Variants in UNC45A observed in about 807,000 individuals in gnomAD.
The protein encoded by UNC45A is unc-45 myosin chaperone A, also known as protein unc-45 homolog A.
UNC45A carries 78 observed loss-of-function variants against 103.2 expected under a neutral mutation model. That is an observed-to-expected ratio of 0.76 (90% CI 0.63 to 0.91). The LOEUF is 0.91. Among genes scored for constraint, UNC45A ranks in the 40% least tolerant of loss-of-function variants. The probability of loss-of-function intolerance (pLI) is 0.00; values close to 1 mark genes in which losing one functional copy is unlikely to be tolerated. For synonymous variants in UNC45A, 495 were observed against 504.6 expected, an observed-to-expected ratio of 0.98 and a Z score of 0.25; for missense variants, 1,193 against 1,224.8, an observed-to-expected ratio of 0.97 and a Z score of 0.39.
chr15:90,946,851 C>T lies in UNC45A; in HGVS notation c.1437C>T (p.Val479=), dbSNP rs142529257. ...CCTCATTCATCACTGCCAATGGTGT[C>T]TCGCTGCTGAAGGACCTATATAAGT... is the stretch of plus-strand genomic sequence containing the variant. The part of the protein sequence containing the change: ...KRASFITANG[V]SLLKDLYKCS... The change falls in exon 10 of 20, where the codon GTC becomes GTT. Residue 479 remains valine (V), a synonymous_variant. Coordinates refer to ENST00000418476, the MANE Select transcript of UNC45A (RefSeq NM_018671.5). The T allele has an allele frequency of 1.0e-4, 169 of 1,614,092 alleles. No individual in the cohort carries two copies. The Admixed American group carries it at 1.5e-3, about 14-fold the overall frequency.
At chr15:90,953,382 C>T (rs1567164522) in intron 19 of UNC45A, 72 bp downstream of exon 19, 1 of 1,596,662 alleles carries the variant, frequency 6.3e-7, no homozygotes, top group East Asian at 2.2e-5. Flanking sequence ...GGGGGCAGTC[C>T]TAGGGTGTGT....
chr15:90,935,308 G>A lies in UNC45A; in HGVS notation c.-17G>A. The stretch of plus-strand genomic sequence containing the variant: ...CCAGAGACTGCGCCTGCGCGGGCAC[G>A]AGACAACCTCTCCGCGATGACTGTG... On this transcript the variant is annotated 5_prime_UTR_variant, in exon 1 of 20. Transcript: ENST00000418476. The A allele has an allele frequency of 6.3e-7, 1 of 1,599,402 alleles. No individual in the cohort carries two copies. The highest frequency in any genetic ancestry group is 2.3e-5 in the East Asian group (1 of 44,110).
At position 90,953,318 on chromosome 15, in the gene UNC45A, C is replaced by T. The variant is rs1464580092; in HGVS notation, c.2577+8C>T. On this transcript the variant is annotated splice_region_variant and intron_variant, in intron 19 of 19. Coordinates refer to ENST00000418476, the MANE Select transcript of UNC45A (RefSeq NM_018671.5). ...AGCCGCATTCCCCAAGTGGTCAGTG[C>T]CTCTTCTCAGTGGGGGAGGAGGGAC... The T allele has an allele frequency of 1.1e-5, 17 of 1,604,494 alleles. No individual in the cohort carries two copies. Among genetic ancestry groups the T allele is most frequent in the Non-Finnish European group, 1.4e-5 (16 of 1,175,720 alleles).
upstream of UNC45A, chr15:90,933,963 C>T (rs745863091): frequency 6.0e-5 from 24 of 398,454 alleles, no homozygotes; most frequent in Admixed American, 4.4e-4. Flanking sequence ...CTTTTATTTC[C>T]TTATTGTCTG....
intron 10 of UNC45A, chr15:90,947,287 C>G: frequency 3.6e-6 from 1 of 277,956 alleles, no homozygotes; most frequent in Admixed American, 4.6e-5. Flanking sequence ...CTGCAGGGGT[C>G]ATGCAGTGTT....
chr15:90,941,693 C>T (rs34713051), intron 6 of UNC45A, among the ~76,000 whole-genome samples: 2 of 151,974 alleles, frequency 1.3e-5, no homozygotes, highest in Admixed American at 6.6e-5. Flanking sequence ...GGCGCGGTGG[C>T]TCATGCCTGT....
rs376117199 is a variant in UNC45A, at chr15:90,953,559, C to T, written c.2678C>T (p.Ser893Leu). 17 of 1,613,952 alleles carry T rather than the reference C, an allele frequency of 1.1e-5. No individual in the cohort carries two copies. Among genetic ancestry groups the T allele is most frequent in the African/African-American group, 4.0e-5 (3 of 74,902 alleles). The change falls in exon 20 of 20, where the codon TCG (serine) becomes TTG (leucine). Residue 893 changes from serine (S) to leucine (L), a missense_variant. Physicochemically the swap from Ser to Leu is moderately radical, Grantham distance 145 (BLOSUM62 -2). Transcript: ENST00000418476. ...GTGGTGCTGAACATGGTGGAGGCCT[C>T]GAGGGAGATTGCCAGCACCCTGATG... ...AVVVLNMVEA[S>L]REIASTLMES...
upstream of UNC45A, chr15:90,932,143 C>A (rs757374020): frequency 1.9e-6 from 3 of 1,566,064 alleles, no homozygotes; most frequent in Non-Finnish European, 2.6e-6. Context: ...GAAGTCAGGT[C>A]GGAGGTAGTC....
chr15:90,949,507 C>T (rs376076294), intron 14 of UNC45A, 64 bp downstream of exon 14: 4 of 1,604,134 alleles, frequency 2.5e-6, no homozygotes, highest in East Asian at 2.2e-5. Flanking sequence ...GCAGATGTGG[C>T]TCCAGAGGGT....
intron 15 of UNC45A, 109 bp downstream of exon 15, chr15:90,949,829 T>C (rs17636026): frequency 0.1 from 120,756 of 1,203,002 alleles, 12,807 homozygotes; most frequent in East Asian, 0.42. Context: ...CAGAAAAACA[T>C]TAATGGCCAG....
At chr15:90,937,201 CTGGG>C (rs996023484) in intron 4 of UNC45A, among the ~76,000 whole-genome samples, 1 of 152,148 alleles carries the variant, frequency 6.6e-6, no homozygotes, top group African/African-American at 2.4e-5. Context: ...AAAAAGTTAG[CTGGG>C]TGTGGTGGCA....
chr15:90,940,454 G>T lies in UNC45A; in HGVS notation c.668G>T (p.Cys223Phe). The change falls in exon 6 of 20, where the codon TGC becomes TTC. Residue 223 changes from cysteine (C) to phenylalanine (F), a missense_variant. Transcript: ENST00000418476. ...LAALRTLVGI[C>F]SEHQSRTVAT... The stretch of plus-strand genomic sequence containing the variant: ...GCTCTGCGTACGCTGGTTGGCATTT[G>T]CTCTGAGCATCAGTCACGGGTAGGT... The T allele has an allele frequency of 6.2e-7, 1 of 1,613,788 alleles. No homozygotes were observed.
intron 4 of UNC45A, among the ~76,000 whole-genome samples, chr15:90,938,775 G>A (rs543820388): frequency 6.6e-6 from 1 of 152,162 alleles, no homozygotes; most frequent in Admixed American, 6.5e-5. Context: ...AGATTCAAGC[G>A]ATTCTCCTGC....
intron 4 of UNC45A, among the ~76,000 whole-genome samples, chr15:90,937,525 C>T (rs1239327535): frequency 3.4e-5 from 5 of 146,604 alleles, no homozygotes; most frequent in South Asian, 4.2e-4. Flanking sequence ...CTTGCTCTGT[C>T]GCCCACACTG....
intron 4 of UNC45A, among the ~76,000 whole-genome samples, chr15:90,937,816 A>C (rs1054525463): frequency 2.7e-5 from 4 of 150,712 alleles, no homozygotes; most frequent in Admixed American, 1.3e-4. Flanking sequence ...ATTTATTTTT[A>C]TTTTTATTTA....
chr15:90,942,707 A>C, intron 7 of UNC45A, 102 bp downstream of exon 7: 1 of 1,575,928 alleles, frequency 6.3e-7, no homozygotes, highest in Non-Finnish European at 8.7e-7. Flanking sequence ...TTGCAGCTGC[A>C]GGTTGTTTGG....
chr15:90,940,459 G>A lies in UNC45A; in HGVS notation c.673G>A (p.Glu225Lys), dbSNP rs899993183. 1.5e-5 allele frequency: 25 copies of A among 1,613,470 alleles called. No individual in the cohort carries two copies. Among genetic ancestry groups the A allele is most frequent in the Non-Finnish European group, 2.1e-5 (25 of 1,179,664 alleles). ...GCGTACGCTGGTTGGCATTTGCTCT[G>A]AGCATCAGTCACGGGTAGGTGGAGT... ...ALRTLVGICSEHQSRTVATLS... is the reference protein window; with the variant it reads ...ALRTLVGICSKHQSRTVATLS... Residue 225 changes from glutamate (E) to lysine (K), a missense_variant, in exon 6 of 20, where the codon GAG becomes AAG. Glu to Lys is a moderately conservative substitution (Grantham distance 56). Coordinates refer to ENST00000418476, the MANE Select transcript of UNC45A (RefSeq NM_018671.5).
intron 4 of UNC45A, among the ~76,000 whole-genome samples, chr15:90,939,445 G>C (rs956568890): frequency 6.6e-5 from 10 of 152,210 alleles, no homozygotes; most frequent in Non-Finnish European, 1.5e-4. Context: ...CTGGGAGTGG[G>C]TTGCCTCGTA....
chr15:90,940,606 C>T, intron 6 of UNC45A, 133 bp downstream of exon 6: 1 of 1,183,656 alleles, frequency 8.4e-7, no homozygotes, highest in Non-Finnish European at 1.1e-6. Flanking sequence ...CCCTCTACCC[C>T]TTACCTTATT....
Sources: allele counts gnomAD v4.1 joint callset (sites outside exome capture counted in the v4.1 genomes callset), GRCh38; gene constraint gnomAD v4.1.1; transcripts MANE v1.5; gene names NCBI Gene and HGNC (gene_info 2026-07-23, HGNC 2026-07-21).